The following LRRIQ1 variants were observed in gnomAD, a reference collection of about 807,000 sequenced individuals.
LRRIQ1 encodes the protein leucine rich repeats and IQ motif containing 1.
Under a neutral mutation model 211.9 loss-of-function variants are expected in LRRIQ1, and 210 were observed. The observed-to-expected ratio is 0.99, with a 90% CI of 0.89 to 1.11. LRRIQ1 has a LOEUF of 1.11. LRRIQ1 is among the 50% of genes most tolerant of loss of function. The probability of loss-of-function intolerance (pLI) is 0.00; values close to 1 mark genes in which losing one functional copy is unlikely to be tolerated. For synonymous variants in LRRIQ1, 699 were observed against 650.1 expected, an observed-to-expected ratio of 1.08 and a Z score of -1.14; for missense variants, 2,136 against 1,939.5, an observed-to-expected ratio of 1.10 and a Z score of -1.90.
At chr12:85,220,839 G>A (rs1470365055) in intron 24 of LRRIQ1, among the ~76,000 whole-genome samples, 2 of 127,608 alleles carry the variant, frequency 1.6e-5, no homozygotes, top group African/African-American at 3.0e-5. Flanking sequence ...ACAAAGTTTC[G>A]CTCTGTCGCC....
At position 85,195,723 on chromosome 12, in the gene LRRIQ1, G is replaced by A. The variant is rs924702623; in HGVS notation, c.4823-33794G>A. ...GACAAACCCACAGCCAATATCATAC[G>A]GAATGGGCAAAAACTGGAAGCATTC... On this transcript the variant is annotated intron_variant, in intron 24 of 26. Transcript: ENST00000393217. Among the ~76,000 whole-genome samples the A allele has an allele frequency of 7.9e-5, 12 of 151,890 alleles. No homozygotes were observed. In the East Asian group the frequency reaches 1.7e-3, roughly 22 times the overall value.
chr12:85,046,730 T>C (rs1879631179), intron 5 of LRRIQ1, among the ~76,000 whole-genome samples: 1 of 152,050 alleles, frequency 6.6e-6, no homozygotes, highest in Non-Finnish European at 1.5e-5. Flanking sequence ...CTATTCACAA[T>C]AGCAACGACT....
chr12:85,070,600 G>A (rs576488589), intron 10 of LRRIQ1, among the ~76,000 whole-genome samples: 191 of 151,876 alleles, frequency 1.3e-3, no homozygotes, highest in Non-Finnish European at 1.0e-3. Context: ...TTTACTACTT[G>A]TTCTACCTTT....
At chr12:85,036,918 C>T (rs1225467339) in intron 1 of LRRIQ1, among the ~76,000 whole-genome samples, 1 of 152,046 alleles carries the variant, frequency 6.6e-6, no homozygotes, top group Non-Finnish European at 1.5e-5. Flanking sequence ...AGCCCATTTA[C>T]AGTGAGACCC....
chr12:85,257,810 G>C (rs1012243229), intron 1 of LRRIQ1, among the ~76,000 whole-genome samples: 3 of 151,778 alleles, frequency 2.0e-5, no homozygotes, highest in Non-Finnish European at 4.4e-5. Flanking sequence ...TGAAAACAAT[G>C]TAAGAATGAC....
chr12:85,192,431 TTTATATATAAATGTATATAG>T (rs1892574198), intron 24 of LRRIQ1, among the ~76,000 whole-genome samples: 1 of 110,320 alleles, frequency 9.1e-6, no homozygotes, highest in South Asian at 2.4e-4. Context: ...TTTATATATA[TTTATATATAAATGTATATAG>T]TTATATAATA....
chr12:85,084,610 GAATATCAATTTTAATGTTTTA>G (rs1464890010), intron 11 of LRRIQ1, among the ~76,000 whole-genome samples: 1 of 152,060 alleles, frequency 6.6e-6, no homozygotes, highest in African/African-American at 2.4e-5. Context: ...TACTGAAACA[GAATATCAATTTTAATGTTTTA>G]AAAGTACAGT....
intron 26 of LRRIQ1, among the ~76,000 whole-genome samples, chr12:85,237,619 C>T (rs1895252952): frequency 6.6e-6 from 1 of 152,024 alleles, no homozygotes; most frequent in African/African-American, 2.4e-5. Context: ...TTCTGACCTG[C>T]TACAGTGGAG....
chr12:85,153,213 T>TGAGCGAGGAAAG, intron 21 of LRRIQ1, 68 bp downstream of exon 21: 1 of 1,345,268 alleles, frequency 7.4e-7, no homozygotes, highest in Non-Finnish European at 1.0e-6. Flanking sequence ...CATACAAAAG[T>TGAGCGAGGAAAG]AGTACAATTA....
At chr12:85,266,740 T>C (rs1385214744), downstream of LRRIQ1, among the ~76,000 whole-genome samples, 1 of 152,154 alleles carries the variant, frequency 6.6e-6, no homozygotes, top group Non-Finnish European at 1.5e-5. Context: ...CAATGTCTGC[T>C]GTAGCAGTGG....
chr12:85,044,500 G>A (rs1274380100), intron 3 of LRRIQ1, among the ~76,000 whole-genome samples: 1 of 151,626 alleles, frequency 6.6e-6, no homozygotes, highest in Admixed American at 6.6e-5. Context: ...TAGAGTCAAA[G>A]CACTTTAGAA....
At chr12:85,087,370 T>G (rs1437250202) in intron 11 of LRRIQ1, among the ~76,000 whole-genome samples, 1 of 152,192 alleles carries the variant, frequency 6.6e-6, no homozygotes, top group Non-Finnish European at 1.5e-5. Flanking sequence ...TGGTTCCAAG[T>G]CTTTGCTATT....
At chr12:85,104,698 G>C (rs1235694569) in intron 14 of LRRIQ1, among the ~76,000 whole-genome samples, 1 of 151,788 alleles carries the variant, frequency 6.6e-6, no homozygotes, top group African/African-American at 2.4e-5. Context: ...TTCCCCTGTT[G>C]AACATACTTT....
Position 85,113,946 on chromosome 12 carries a change from T to TGTGTGTGA in LRRIQ1, c.3377+7332_3377+7333insTGTGTGAG, listed in dbSNP as rs1280650917. Among the ~76,000 whole-genome samples the TGTGTGTGA allele has an allele frequency of 5.4e-5, 8 of 147,402 alleles. No individual in the cohort carries two copies. In the East Asian group the frequency reaches 1.2e-3, roughly 22 times the overall value. On this transcript the variant is annotated intron_variant, in intron 15 of 26. Transcript: ENST00000393217. ...GTGTGTGTGTGTGTGTGTGTGTGTGTGAAAGGCCACCTAAATGTGTTTCTA... is the reference window on the plus strand; with the variant it reads ...GTGTGTGTGTGTGTGTGTGTGTGTGTGTGTGTGAGAAAGGCCACCTAAATGTGTTTCTA...
At chr12:85,265,864 T>C (rs890567152), downstream of LRRIQ1, among the ~76,000 whole-genome samples, 2 of 152,034 alleles carry the variant, frequency 1.3e-5, no homozygotes, top group African/African-American at 2.4e-5. Flanking sequence ...GAAACTGTTG[T>C]GTAAAATAAT....
At chr12:85,122,830 A>G (rs1888084714) in intron 16 of LRRIQ1, among the ~76,000 whole-genome samples, 1 of 152,070 alleles carries the variant, frequency 6.6e-6, no homozygotes. Flanking sequence ...ATCTAAAATA[A>G]TATTTACTTG....
chr12:85,260,129 T>TAA (rs34282611), intron 1 of LRRIQ1, among the ~76,000 whole-genome samples: 20,712 of 115,348 alleles, frequency 0.18, 2,003 homozygotes, highest in African/African-American at 0.21. Context: ...TCATGTTGGT[T>TAA]AAAAAAAAAA....
chr12:85,116,110 A>C (rs961322484), intron 15 of LRRIQ1, among the ~76,000 whole-genome samples: 3 of 152,084 alleles, frequency 2.0e-5, no homozygotes, highest in African/African-American at 7.2e-5. Flanking sequence ...AATATTTCTT[A>C]TTGTACTTAG....
At chr12:85,113,342 T>C (rs1411094771) in intron 15 of LRRIQ1, among the ~76,000 whole-genome samples, 1 of 150,546 alleles carries the variant, frequency 6.6e-6, no homozygotes, top group Non-Finnish European at 1.5e-5. Context: ...TTGCACTTAG[T>C]TTGTCCATTT....
Sources: allele counts gnomAD v4.1 joint callset (sites outside exome capture counted in the v4.1 genomes callset), GRCh38; gene constraint gnomAD v4.1.1; transcripts MANE v1.5; gene names NCBI Gene and HGNC (gene_info 2026-07-23, HGNC 2026-07-21).